The following IL1R1 variants were observed in gnomAD, a reference collection of about 807,000 sequenced individuals.
The protein encoded by IL1R1 is interleukin 1 receptor type 1, also known as interleukin-1 receptor type 1.
A neutral mutation model predicts 50.2 loss-of-function variants in IL1R1; 22 were observed. The ratio of observed to expected loss-of-function variants is 0.44; its 90% CI spans 0.31 to 0.63. The LOEUF is 0.63. IL1R1 is among the 20% of genes least tolerant of loss of function. The pLI is 0.07. For synonymous variants in IL1R1, 251 were observed against 236.7 expected, an observed-to-expected ratio of 1.06 and a Z score of -0.55; for missense variants, 509 against 676.2, an observed-to-expected ratio of 0.75 and a Z score of 2.74.
chr2:102,150,257 C>A (rs1208926772), intron 1 of IL1R1, among the ~76,000 whole-genome samples: 2 of 152,148 alleles, frequency 1.3e-5, no homozygotes, highest in Non-Finnish European at 2.9e-5. Flanking sequence ...CTGTGACAGC[C>A]CCTCTCTCCC....
At chr2:102,091,047 A>C (rs1165452985) in intron 1 of IL1R1, among the ~76,000 whole-genome samples, 1 of 152,160 alleles carries the variant, frequency 6.6e-6, no homozygotes, top group African/African-American at 2.4e-5. Flanking sequence ...CTCAATTGAG[A>C]CTTTTCTGGG....
chr2:102,160,919 G>T (rs1279817797), intron 3 of IL1R1, among the ~76,000 whole-genome samples: 1 of 152,130 alleles, frequency 6.6e-6, no homozygotes, highest in African/African-American at 2.4e-5. Context: ...AATTGCATTA[G>T]TCTCTGTTTT....
intron 1 of IL1R1, among the ~76,000 whole-genome samples, chr2:102,150,613 G>A (rs1240337230): frequency 6.6e-6 from 1 of 152,238 alleles, no homozygotes; most frequent in Non-Finnish European, 1.5e-5. Context: ...GATGGGGGCT[G>A]TATTTGGGAA....
At chr2:102,136,739 T>A (rs1461350667) in intron 1 of IL1R1, among the ~76,000 whole-genome samples, 2 of 152,204 alleles carry the variant, frequency 1.3e-5, no homozygotes, top group African/African-American at 4.8e-5. Flanking sequence ...AAGTTGTTTG[T>A]TCTGAAGAAA....
At chr2:102,124,988 A>G (rs77349134) in intron 1 of IL1R1, among the ~76,000 whole-genome samples, 3,947 of 152,288 alleles carry the variant, frequency 0.026, 111 homozygotes, top group African/African-American at 0.068. Context: ...AACCACCGCC[A>G]TAATCCAATC....
At chr2:102,093,458 C>T (rs1354955356) in intron 1 of IL1R1, among the ~76,000 whole-genome samples, 1 of 152,154 alleles carries the variant, frequency 6.6e-6, no homozygotes, top group East Asian at 1.9e-4. Flanking sequence ...ACATTCCCTC[C>T]AGCAGTATTT....
intron 1 of IL1R1, among the ~76,000 whole-genome samples, chr2:102,117,830 T>G (rs886195389): frequency 2.0e-5 from 3 of 152,148 alleles, no homozygotes; most frequent in African/African-American, 7.2e-5. Context: ...TATTAGGACC[T>G]TGGAAGAGTA....
At chr2:102,116,984 A>G (rs534503410) in intron 1 of IL1R1, among the ~76,000 whole-genome samples, 3 of 152,356 alleles carry the variant, frequency 2.0e-5, no homozygotes, top group Admixed American at 2.0e-4. Flanking sequence ...TGGAGAAGGA[A>G]AAAATGACTT....
chr2:102,138,795 T>A (rs2104432529), upstream of IL1R1, among the ~76,000 whole-genome samples: 1 of 152,342 alleles, frequency 6.6e-6, no homozygotes, highest in East Asian at 1.9e-4. Context: ...TGTGAGAGTT[T>A]ACTGGCAGTG....
At position 102,142,958 on chromosome 2, in the gene IL1R1, C is replaced by G. The variant is rs1026282452; in HGVS notation, c.-146C>G. ...CTCGGCTCCTAGGGCTCTCGCCCCT[C>G]TGAGCTGAGCCGGGTTCCGCCCGGG... On this transcript the variant is annotated 5_prime_UTR_variant, in exon 1 of 12. Transcript: ENST00000410023. The G allele has an allele frequency of 1.3e-5, 2 of 152,344 alleles. No homozygotes were observed. Among genetic ancestry groups the G allele is most frequent in the African/African-American group, 4.8e-5 (2 of 41,590 alleles). 9.4% of individuals were successfully genotyped at this position (152,344 alleles called of 1,614,324 possible).
intron 5 of IL1R1, 60 bp from the exon 6 acceptor site, chr2:102,166,053 G>A: frequency 8.4e-6 from 12 of 1,421,116 alleles, no homozygotes; most frequent in South Asian, 1.3e-5. Context: ...CTCCTTTGGC[G>A]GTAGATTGGG....
At position 102,174,618 on chromosome 2, in the gene IL1R1, A is replaced by G. The variant is rs200031827; in HGVS notation, c.1023A>G (p.Ile341Met). 152 of 1,607,778 alleles carry G rather than the reference A, an allele frequency of 9.5e-5. No homozygotes were observed. Among genetic ancestry groups the G allele is most frequent in the Non-Finnish European group, 1.3e-4 (149 of 1,177,728 alleles). Reference sequence around the variant, plus strand: ...ATTTCCAGAAGCACATGATTGGTATATGTGTCACGTTGACAGTCATAATTG... The same window carrying G: ...ATTTCCAGAAGCACATGATTGGTATGTGTGTCACGTTGACAGTCATAATTG... ...VTNFQKHMIGICVTLTVIIVC... is the reference protein window; with the variant it reads ...VTNFQKHMIGMCVTLTVIIVC... Residue 341 changes from isoleucine (I) to methionine (M), a missense_variant, in exon 10 of 12, where the codon ATA becomes ATG. Coordinates refer to ENST00000410023, the MANE Select transcript of IL1R1 (RefSeq NM_000877.4).
Position 102,171,936 on chromosome 2 carries a change from T to C in IL1R1, c.839+18T>C. 1.5e-6 allele frequency: 2 copies of C among 1,336,830 alleles called. No homozygotes were observed. The highest frequency in any genetic ancestry group is 2.1e-6 in the Non-Finnish European group (2 of 953,508). The allele number at this position is 1,336,830 out of a possible 1,614,324, so 82.8% of individuals were successfully genotyped here. On this transcript the variant is annotated intron_variant, in intron 8 of 11. Transcript: ENST00000410023. ...TATTACAGGTATGTATGCTAAGAGT[T>C]ATTCACATTTTGGTGTTAAATCCCA... is the stretch of plus-strand genomic sequence containing the variant.
Position 102,165,135 on chromosome 2 carries a change from G to T in IL1R1, c.317G>T (p.Arg106Ile). The change falls in exon 5 of 12, where the codon AGA becomes ATA. Residue 106 changes from arginine to isoleucine, a missense_variant. Transcript: ENST00000410023. ...TTTAGAAATTCATCTTACTGCCTCA[G>T]AATTAAAATAAGTGCAAAATTTGTG... ...CVVRNSSYCLRIKISAKFVEN... is the reference protein window; with the variant it reads ...CVVRNSSYCLIIKISAKFVEN... 6.3e-7 allele frequency: 1 copy of T among 1,575,198 alleles called. No individual in the cohort carries two copies. The highest frequency in any genetic ancestry group is 1.2e-5 in the South Asian group (1 of 84,456).
At chr2:102,173,118 G>A (rs924042700) in intron 9 of IL1R1, among the ~76,000 whole-genome samples, 4 of 152,104 alleles carry the variant, frequency 2.6e-5, no homozygotes, top group African/African-American at 7.2e-5. Flanking sequence ...ATGGTACTTC[G>A]TTTTCTGTAC....
chr2:102,175,349 C>A, intron 10 of IL1R1, 129 bp from the exon 11 acceptor site: 1 of 716,498 alleles, frequency 1.4e-6, no homozygotes. Flanking sequence ...TTTGGTATTG[C>A]TGCTTCAGTC....
At chr2:102,160,659 G>A (rs1684636654) in intron 3 of IL1R1, among the ~76,000 whole-genome samples, 1 of 152,030 alleles carries the variant, frequency 6.6e-6, no homozygotes, top group Non-Finnish European at 1.5e-5. Context: ...ATCAACACAG[G>A]GCTAGGTACC....
chr2:102,162,295 G>T (rs918800932), intron 3 of IL1R1, among the ~76,000 whole-genome samples: 7 of 151,952 alleles, frequency 4.6e-5, no homozygotes, highest in Non-Finnish European at 8.8e-5. Context: ...TCTGTATGTA[G>T]GTGTATGTGT....
intron 1 of IL1R1, among the ~76,000 whole-genome samples, chr2:102,120,383 G>A (rs920570842): frequency 6.6e-6 from 1 of 152,100 alleles, no homozygotes; most frequent in Non-Finnish European, 1.5e-5. Flanking sequence ...TGTGTTGCAT[G>A]AATGTGTGTC....
Sources: gnomAD v4.1 joint callset for allele counts (sites outside exome capture counted in the v4.1 genomes callset) on GRCh38, gnomAD v4.1.1 for gene constraint, MANE v1.5 for transcripts, NCBI Gene and HGNC (gene_info 2026-07-23, HGNC 2026-07-21) for gene names.